The following GTF2E1 variants were observed in gnomAD, a reference collection of about 807,000 sequenced individuals.
GTF2E1 encodes the protein general transcription factor IIE subunit 1.
In GTF2E1, 14 loss-of-function variants were observed where a neutral mutation model predicts 34.9. The observed-to-expected ratio is 0.40, with a 90% CI of 0.27 to 0.63. GTF2E1 has a LOEUF of 0.63. Ranked by LOEUF, GTF2E1 falls within the 20% of genes least tolerant of loss-of-function variation. The probability of loss-of-function intolerance (pLI) is 0.39; values close to 1 mark genes in which losing one functional copy is unlikely to be tolerated. For missense variants in GTF2E1, 469 were observed against 557.7 expected (o/e 0.84, Z 1.60); for synonymous variants, 188 against 192.9 (o/e 0.97, Z 0.21).
At chr3:120,772,585 G>A (rs1325644982) in intron 3 of GTF2E1, among the ~76,000 whole-genome samples, 1 of 152,044 alleles carries the variant, frequency 6.6e-6, no homozygotes, top group Admixed American at 6.6e-5. Flanking sequence ...TAACATACAA[G>A]CTTATGAGGG....
chr3:120,750,981 G>C lies in GTF2E1; in HGVS notation c.429G>C (p.Gln143His). 2 of 1,611,462 alleles carry C rather than the reference G, an allele frequency of 1.2e-6. No homozygotes were observed. Among genetic ancestry groups the C allele is most frequent in the South Asian group, 1.1e-5 (1 of 90,994 alleles). ...SSTFTDLEAN[Q>H]LFDPMTGTFR... ...CTTTCACAGACTTAGAAGCTAATCA[G>C]CTCTTTGATCCTATGACAGGTGAGG... The change falls in exon 2 of 5, where the codon CAG becomes CAC. Residue 143 changes from glutamine to histidine, a missense_variant. By Grantham distance (24) the Gln-to-His change is conservative (BLOSUM62 0). Coordinates refer to ENST00000283875, the MANE Select transcript of GTF2E1 (RefSeq NM_005513.3).
intron 2 of GTF2E1, among the ~76,000 whole-genome samples, chr3:120,765,016 A>C (rs919902650): frequency 7.9e-5 from 12 of 151,016 alleles, no homozygotes; most frequent in Non-Finnish European, 1.8e-4. Flanking sequence ...TGTTGTTACC[A>C]ATCCCTTCCC....
At chr3:120,758,859 T>G (rs11713936) in intron 2 of GTF2E1, among the ~76,000 whole-genome samples, 2 of 152,212 alleles carry the variant, frequency 1.3e-5, no homozygotes, top group East Asian at 3.8e-4. Context: ...TTTGCTATTG[T>G]GAATAGTGCT....
rs770400240 is a variant in GTF2E1 at position 120,770,801 on chromosome 3, C to T, written c.522C>T (p.Arg174=). ...CAGCAATGCCCAAAAAAGATGCACG[C>T]ACACTTTTGGCAAGGTTTAATGAAC... is the stretch of plus-strand genomic sequence containing the variant. ...DESAMPKKDA[R]TLLARFNEQI... is the part of the protein sequence containing the mutation. Residue 174 remains arginine, a synonymous_variant, in exon 3 of 5, where the codon CGC becomes CGT. Coordinates refer to ENST00000283875, the MANE Select transcript of GTF2E1 (RefSeq NM_005513.3). 3 of 1,613,500 alleles carry T rather than the reference C, an allele frequency of 1.9e-6. No individual in the cohort carries two copies. Among genetic ancestry groups the T allele is most frequent in the East Asian group, 2.2e-5 (1 of 44,870 alleles).
chr3:120,750,615 G>A lies in GTF2E1; in HGVS notation c.63G>A (p.Val21=), dbSNP rs779528779. The change falls in exon 2 of 5, where the codon GTG becomes GTA. Residue 21 remains valine, a synonymous_variant. Transcript: ENST00000283875. The part of the protein sequence containing the change: ...PAALKRLAKY[V]IRGFYGIEHA... The stretch of plus-strand genomic sequence containing the variant: ...CATTGAAGCGGTTAGCCAAGTATGT[G>A]ATCCGGGGATTTTATGGCATTGAGC... The A allele has an allele frequency of 1.2e-6, 2 of 1,614,042 alleles. No individual in the cohort carries two copies. The highest frequency in any genetic ancestry group is 1.7e-6 in the Non-Finnish European group (2 of 1,179,950).
At position 120,781,353 on chromosome 3, in the gene GTF2E1, T is replaced by A; in HGVS notation, c.1203T>A (p.Arg401=). Reference sequence around the variant, plus strand: ...ACCCCATTGTCATGGTGGCTGGCCGTCCGTTCTCCTACAGTGAAGTGAGCC... The same window carrying A: ...ACCCCATTGTCATGGTGGCTGGCCGACCGTTCTCCTACAGTGAAGTGAGCC... ...ADDPIVMVAG[R]PFSYSEVSQR... is the part of the protein sequence containing the mutation. The change falls in exon 5 of 5, where the codon CGT becomes CGA. Residue 401 remains arginine, a synonymous_variant. Coordinates refer to ENST00000283875, the MANE Select transcript of GTF2E1 (RefSeq NM_005513.3). The A allele has an allele frequency of 6.2e-7, 1 of 1,613,996 alleles. No homozygotes were observed. Among genetic ancestry groups the A allele is most frequent in the Non-Finnish European group, 8.5e-7 (1 of 1,179,924 alleles).
At chr3:120,763,680 A>T (rs1709283930) in intron 2 of GTF2E1, among the ~76,000 whole-genome samples, 1 of 152,116 alleles carries the variant, frequency 6.6e-6, no homozygotes, top group Non-Finnish European at 1.5e-5. Flanking sequence ...ACTTGGATTC[A>T]AAGTTTTTTC....
At chr3:120,747,761 C>T (rs902888794) in intron 1 of GTF2E1, among the ~76,000 whole-genome samples, 2 of 152,080 alleles carry the variant, frequency 1.3e-5, no homozygotes, top group African/African-American at 4.8e-5. Context: ...GGGTATATAC[C>T]CAGTAATGGG....
intron 1 of GTF2E1, among the ~76,000 whole-genome samples, chr3:120,744,525 G>T (rs766834471): frequency 1.1e-4 from 17 of 152,170 alleles, no homozygotes; most frequent in Non-Finnish European, 2.4e-4. Context: ...TCCTCGTCAG[G>T]GGTCACCTAT....
At chr3:120,743,013 A>G (rs954673564) in intron 1 of GTF2E1, 3 of 170,386 alleles carry the variant, frequency 1.8e-5, no homozygotes, top group African/African-American at 4.8e-5. Context: ...CCTGGACCCA[A>G]CTGGGAGAGT....
chr3:120,768,495 A>G (rs1709326812), intron 2 of GTF2E1, among the ~76,000 whole-genome samples: 6 of 152,322 alleles, frequency 3.9e-5, no homozygotes, highest in Middle Eastern at 3.4e-3. Context: ...ATGTTTATAT[A>G]TTAATCACCT....
At position 120,781,583 on chromosome 3, in the gene GTF2E1, C is replaced by A; in HGVS notation, c.*113C>A. On this transcript the variant is annotated 3_prime_UTR_variant, in exon 5 of 5. Coordinates refer to ENST00000283875, the MANE Select transcript of GTF2E1 (RefSeq NM_005513.3). Reference sequence around the variant, plus strand: ...GCCCCTCTTGATGTAAGCAACTGTCCATCCTTGTGCAAAGATTGATGGTAG... The same window carrying A: ...GCCCCTCTTGATGTAAGCAACTGTCAATCCTTGTGCAAAGATTGATGGTAG... 1 of 767,786 alleles carries A rather than the reference C, an allele frequency of 1.3e-6. No homozygotes were observed. The allele number at this position is 767,786 out of a possible 1,614,324, so 47.6% of individuals were successfully genotyped here.
At chr3:120,753,204 A>G (rs1709180676) in intron 2 of GTF2E1, among the ~76,000 whole-genome samples, 1 of 150,994 alleles carries the variant, frequency 6.6e-6, no homozygotes, top group Non-Finnish European at 1.5e-5. Context: ...TTTCTCTATT[A>G]TTCTTTCTTG....
intron 2 of GTF2E1, among the ~76,000 whole-genome samples, chr3:120,756,058 T>A (rs911774268): frequency 6.6e-6 from 1 of 152,242 alleles, no homozygotes; most frequent in Non-Finnish European, 1.5e-5. Flanking sequence ...TTGTGAACAG[T>A]GCTGCCACAA....
chr3:120,746,437 C>T (rs772407704), intron 1 of GTF2E1, among the ~76,000 whole-genome samples: 3 of 151,606 alleles, frequency 2.0e-5, no homozygotes, highest in South Asian at 2.1e-4. Flanking sequence ...TGCAGTGAGC[C>T]GAGCTTGCGC....
In GTF2E1 at chr3:120,781,674, T is replaced by G. The variant is rs1256661124; in HGVS notation, c.*204T>G. ...GGGTGCTGAGAATCCTACCCTTCCT[T>G]GCTGTCACTACAGTATTAATATTTT... On this transcript the variant is annotated 3_prime_UTR_variant, in exon 5 of 5. Coordinates refer to ENST00000283875, the MANE Select transcript of GTF2E1 (RefSeq NM_005513.3). 5.2e-6 allele frequency: 3 copies of G among 577,188 alleles called. No homozygotes were observed. In the East Asian group the frequency reaches 8.5e-5, roughly 16 times the overall value. The allele number at this position is 577,188 out of a possible 1,614,324, so 35.8% of individuals were successfully genotyped here.
Position 120,781,710 on chromosome 3 carries a change from CTTTTCTTTTTTT to C in GTF2E1, c.*245_*256del. 1 of 353,618 alleles carries C rather than the reference CTTTTCTTTTTTT, an allele frequency of 2.8e-6. No homozygotes were observed. The highest frequency in any genetic ancestry group is 4.9e-6 in the Non-Finnish European group (1 of 202,834). 21.9% of individuals were successfully genotyped at this position (353,618 alleles called of 1,614,324 possible). ...CAGTATTAATATTTTACTGTATTTT[CTTTTCTTTTTTT>C]TTTTTTTTTGGAGATGAAGTCTCAC... On this transcript the variant is annotated 3_prime_UTR_variant, in exon 5 of 5. Coordinates refer to ENST00000283875, the MANE Select transcript of GTF2E1 (RefSeq NM_005513.3).
chr3:120,770,597 G>A (rs550860155), intron 2 of GTF2E1, 131 bp from the exon 3 acceptor site: 4 of 673,758 alleles, frequency 5.9e-6, no homozygotes, highest in Non-Finnish European at 1.1e-5. Context: ...TCACATGGCT[G>A]TTCACTGTGA....
chr3:120,750,547 C>A lies in GTF2E1; in HGVS notation c.-6C>A, dbSNP rs374220014. ...GTATATTTAAAGTTGGAGTTCGTTG[C>A]TAAAGATGGCAGACCCAGATGTCCT... On this transcript the variant is annotated 5_prime_UTR_variant, in exon 2 of 5. Transcript: ENST00000283875. The A allele has an allele frequency of 2.0e-4, 313 of 1,599,696 alleles. No homozygotes were observed. The highest frequency in any genetic ancestry group is 2.1e-4 in the Non-Finnish European group (251 of 1,169,626).
Sources: gnomAD v4.1 joint callset for allele counts (sites outside exome capture counted in the v4.1 genomes callset) on GRCh38, gnomAD v4.1.1 for gene constraint, MANE v1.5 for transcripts, NCBI Gene and HGNC (gene_info 2026-07-23, HGNC 2026-07-21) for gene names.